The following PTPRT variants were observed in gnomAD, a reference collection of about 807,000 sequenced individuals.
PTPRT encodes protein tyrosine phosphatase receptor type T.
A neutral mutation model predicts 176.8 loss-of-function variants in PTPRT; 56 were observed. The observed-to-expected ratio is 0.32, with a 90% CI of 0.26 to 0.40. The LOEUF (loss-of-function observed/expected upper bound fraction) is 0.40. Ranked by LOEUF, PTPRT falls within the 10% of genes least tolerant of loss-of-function variation. PTPRT has a pLI of 1.00. For synonymous variants in PTPRT, 783 were observed against 739.0 expected (o/e 1.06, Z -0.96); for missense variants, 1,540 against 1,908.2 (o/e 0.81, Z 3.60).
chr20:42,189,364 C>T (rs1600653261), intron 16 of PTPRT, among the ~76,000 whole-genome samples: 1 of 152,138 alleles, frequency 6.6e-6, no homozygotes, highest in Admixed American at 6.5e-5. Flanking sequence ...CTATACACAC[C>T]TTTTCTCTAT....
intron 7 of PTPRT, among the ~76,000 whole-genome samples, chr20:42,512,061 A>G (rs2071968317): frequency 6.6e-6 from 1 of 152,162 alleles, no homozygotes; most frequent in South Asian, 2.1e-4. Flanking sequence ...ACTCATAGCA[A>G]TTTTGGATGC....
intron 27 of PTPRT, among the ~76,000 whole-genome samples, chr20:42,096,340 C>T (rs1015411434): frequency 7.2e-5 from 11 of 152,104 alleles, no homozygotes; most frequent in East Asian, 1.9e-4. Context: ...TGGTTGCTCA[C>T]GCCTGTAATC....
intron 12 of PTPRT, among the ~76,000 whole-genome samples, 188 bp from the exon 13 acceptor site, chr20:42,282,713 T>C (rs1275889001): frequency 6.6e-6 from 1 of 152,200 alleles, no homozygotes; most frequent in Non-Finnish European, 1.5e-5. Context: ...TTTAATTTTT[T>C]TCTCAGGCTA....
At chr20:42,506,692 A>C (rs1224560161) in intron 7 of PTPRT, among the ~76,000 whole-genome samples, 1 of 152,160 alleles carries the variant, frequency 6.6e-6, no homozygotes, top group Non-Finnish European at 1.5e-5. Context: ...GGGACATTGA[A>C]TAATGGATGG....
At chr20:42,058,271 T>A in the PTPRT span, among the ~76,000 whole-genome samples, 2 of 152,210 alleles carry the variant, frequency 1.3e-5, no homozygotes, top group South Asian at 4.1e-4. Context: ...AGTGTGCTTT[T>A]TCCTCATATA....
At chr20:42,716,000 A>G (rs1348706274) in intron 6 of PTPRT, among the ~76,000 whole-genome samples, 2 of 152,176 alleles carry the variant, frequency 1.3e-5, no homozygotes, top group Admixed American at 1.3e-4. Flanking sequence ...TGCTCTAAAA[A>G]ATAAAATACA....
intron 6 of PTPRT, among the ~76,000 whole-genome samples, chr20:42,721,839 C>T (rs1306072044): frequency 1.3e-5 from 2 of 152,230 alleles, no homozygotes; most frequent in African/African-American, 4.8e-5. Context: ...CACTTATCAA[C>T]AGGCCAACCC....
In PTPRT at chr20:42,422,290, T is replaced by C. The variant is rs557410442; in HGVS notation, c.1560+25930A>G. On this transcript the variant is annotated intron_variant, in intron 9 of 30. Transcript: ENST00000373187. ...ACAACCTACAGAATGGGAGAAAACT[T>C]TTTCAAACTATGCATCTGACAAAGG... Among the ~76,000 whole-genome samples the C allele has an allele frequency of 8.9e-4, 136 of 152,258 alleles. 1 individual carries two copies. The highest frequency in any genetic ancestry group is 8.0e-3 in the Admixed American group (122 of 15,300).
chr20:43,160,919 T>TAA (rs11484206), intron 1 of PTPRT, among the ~76,000 whole-genome samples: 5,271 of 143,348 alleles, frequency 0.037, 132 homozygotes, highest in Non-Finnish European at 0.056. Context: ...GAATTTTCTT[T>TAA]AAAAAAAAAA....
chr20:43,047,891 C>T (rs895887503), intron 1 of PTPRT, among the ~76,000 whole-genome samples: 1 of 152,086 alleles, frequency 6.6e-6, no homozygotes, highest in Non-Finnish European at 1.5e-5. Flanking sequence ...AAAGTCACAC[C>T]AATGTAAGTG....
At chr20:42,661,053 A>C (rs2075214719) in intron 7 of PTPRT, among the ~76,000 whole-genome samples, 1 of 151,946 alleles carries the variant, frequency 6.6e-6, no homozygotes, top group Non-Finnish European at 1.5e-5. Context: ...GTTTCACCAT[A>C]TTGGCCAGCC....
intron 6 of PTPRT, among the ~76,000 whole-genome samples, chr20:42,731,380 A>T (rs2076458190): frequency 6.6e-6 from 1 of 152,200 alleles, no homozygotes; most frequent in South Asian, 2.1e-4. Flanking sequence ...TTAATTACCG[A>T]GCAGGCAAGA....
At chr20:43,022,355 C>G (rs1337472694) in intron 1 of PTPRT, among the ~76,000 whole-genome samples, 4 of 152,208 alleles carry the variant, frequency 2.6e-5, no homozygotes, top group Admixed American at 2.0e-4. Context: ...TCCACCAACA[C>G]AAGGAAGGCA....
chr20:42,276,689 G>A (rs2057045658), intron 13 of PTPRT, among the ~76,000 whole-genome samples: 1 of 150,802 alleles, frequency 6.6e-6, no homozygotes. Flanking sequence ...TTGAATCCAG[G>A]TGTTTCTAAT....
chr20:42,475,878 T>G (rs1384642959), intron 7 of PTPRT, among the ~76,000 whole-genome samples: 2 of 152,298 alleles, frequency 1.3e-5, no homozygotes, highest in Non-Finnish European at 1.5e-5. Context: ...AAAGAGACTC[T>G]TTGAGACCGG....
intron 22 of PTPRT, among the ~76,000 whole-genome samples, 179 bp from the exon 23 acceptor site, chr20:42,110,666 T>C (rs1986928686): frequency 1.3e-5 from 2 of 152,188 alleles, no homozygotes; most frequent in Non-Finnish European, 2.9e-5. Context: ...TTGGGAAATA[T>C]GGGATTGTTA....
rs1555797923 is a variant in PTPRT at position 42,184,518 on chromosome 20, C to CTTCTTCTTCTTCTT, written c.2491+14721_2491+14722insAAGAAGAAGAAGAA. 2.0e-4 allele frequency among the ~76,000 whole-genome samples: 11 copies of CTTCTTCTTCTTCTT among 54,482 alleles called. No individual in the cohort carries two copies. The South Asian group carries it at 4.0e-3, about 20-fold the overall frequency. 35.7% of individuals were successfully genotyped at this position (54,482 alleles called of 152,430 possible). A position where few individuals can be genotyped will look rare whatever the true frequency, so the allele number is the denominator to read the frequency against. On this transcript the variant is annotated intron_variant, in intron 16 of 30. Coordinates refer to ENST00000373187, the MANE Select transcript of PTPRT (RefSeq NM_007050.6). ...CTCCCCCCTTCCTCCTCCTCCTCCT[C>CTTCTTCTTCTTCTT]CTTCTTCTTCTTCTTCCTCTTCCTC...
intron 1 of PTPRT, among the ~76,000 whole-genome samples, chr20:43,092,705 C>T (rs1227141936): frequency 2.6e-5 from 4 of 152,202 alleles, no homozygotes; most frequent in African/African-American, 9.7e-5. Context: ...AGTTTTCTTT[C>T]CTCCTTCTTC....
At chr20:42,444,601 C>T (rs6130132) in intron 9 of PTPRT, among the ~76,000 whole-genome samples, 14,483 of 152,010 alleles carry the variant, frequency 0.095, 1,190 homozygotes, top group African/African-American at 0.22. Context: ...CCTCCTTCCC[C>T]TCCCTTATTT....
Sources: allele counts gnomAD v4.1 joint callset (sites outside exome capture counted in the v4.1 genomes callset), GRCh38; gene constraint gnomAD v4.1.1; transcripts MANE v1.5; gene names NCBI Gene and HGNC (gene_info 2026-07-23, HGNC 2026-07-21).